The following KANSL3 variants were observed in gnomAD, a reference collection of about 807,000 sequenced individuals.
KANSL3 encodes the protein KAT8 regulatory NSL complex subunit 3.
KANSL3 carries 16 observed loss-of-function variants against 89.2 expected under a neutral mutation model. That is an observed-to-expected ratio of 0.18 (90% CI 0.12 to 0.27). The LOEUF (loss-of-function observed/expected upper bound fraction) is 0.27. Among genes scored for constraint, KANSL3 ranks in the 10% least tolerant of loss-of-function variants. The pLI is 1.00. For missense variants in KANSL3, 879 were observed against 1,110.6 expected (o/e 0.79, Z 2.96); for synonymous variants, 385 against 419.7 (o/e 0.92, Z 1.01).
At chr2:96,592,485 T>C (rs1160109982), downstream of KANSL3, among the ~76,000 whole-genome samples, 1 of 152,128 alleles carries the variant, frequency 6.6e-6, no homozygotes, top group Non-Finnish European at 1.5e-5. Context: ...CATATCAACA[T>C]CAATTACTCT....
the KANSL3 span, among the ~76,000 whole-genome samples, chr2:96,581,173 C>T: frequency 6.6e-6 from 1 of 152,222 alleles, no homozygotes; most frequent in Non-Finnish European, 1.5e-5. Context: ...CGCCTGTAAT[C>T]CCAGCACTCC....
intron 3 of KANSL3, 58 bp from the exon 4 acceptor site, chr2:96,619,820 T>C: frequency 7.9e-7 from 1 of 1,267,126 alleles, no homozygotes; most frequent in Non-Finnish European, 1.1e-6. Flanking sequence ...CCCATGTATG[T>C]ACACCATATA....
intron 5 of KANSL3, 31 bp from the exon 6 acceptor site, chr2:96,613,650 A>G (rs768151607): frequency 6.2e-7 from 1 of 1,603,712 alleles, no homozygotes; most frequent in Non-Finnish European, 8.5e-7. Context: ...AGATGACTCC[A>G]GTGTAAAGCA....
intron 20 of KANSL3, chr2:96,600,548 T>C: frequency 1.0e-6 from 1 of 985,412 alleles, no homozygotes; most frequent in Non-Finnish European, 1.2e-6. Flanking sequence ...GCTCAGGAAC[T>C]ATCACTGCAC....
At position 96,605,359 on chromosome 2, in the gene KANSL3, CAGCTGT is replaced by C; in HGVS notation, c.1888_1893del (p.Thr630_Ala631del). On this transcript the variant is annotated inframe_deletion, in exon 15 of 21. Coordinates refer to ENST00000431828, the MANE Select transcript of KANSL3 (RefSeq NM_001115016.3). ...CCTTGGGAAGGAGCACAAGGCCCTC[CAGCTGT>C]GTCCCCTTGGGAGATAAGGGACACC... 6.2e-7 allele frequency: 1 copy of C among 1,613,570 alleles called. No individual in the cohort carries two copies. The highest frequency in any genetic ancestry group is 8.5e-7 in the Non-Finnish European group (1 of 1,179,794).
At position 96,593,270 on chromosome 2, in the gene KANSL3, T is replaced by C. The variant is rs1368112422; in HGVS notation, c.*2341A>G. ...ATCCAGCCCAAGACTGTTCTAGTGG[T>C]GAAACCAAGAGTAGACAGGTCTTCC... On this transcript the variant is annotated 3_prime_UTR_variant, in exon 21 of 21. Coordinates refer to ENST00000431828, the MANE Select transcript of KANSL3 (RefSeq NM_001115016.3). 2.2e-6 allele frequency: 1 copy of C among 456,082 alleles called. No individual in the cohort carries two copies. Among genetic ancestry groups the C allele is most frequent in the Non-Finnish European group, 4.4e-6 (1 of 226,804 alleles). The allele number at this position is 456,082 out of a possible 1,614,324, so 28.3% of individuals were successfully genotyped here.
At chr2:96,619,815 G>A (rs2070909124) in intron 3 of KANSL3, 53 bp from the exon 4 acceptor site, 1 of 1,324,236 alleles carries the variant, frequency 7.6e-7, no homozygotes, top group Non-Finnish European at 1.1e-6. Context: ...CGCTCCCCAT[G>A]TATGTACACC....
intron 8 of KANSL3, 33 bp from the exon 9 acceptor site, chr2:96,612,386 G>A (rs1243217724): frequency 6.2e-7 from 1 of 1,606,494 alleles, no homozygotes; most frequent in African/African-American, 1.3e-5. Context: ...CAGTAAGACA[G>A]GAGGCCAAAG....
intron 15 of KANSL3, 127 bp from the exon 16 acceptor site, chr2:96,604,990 T>C (rs1235693385): frequency 2.7e-6 from 2 of 740,844 alleles, no homozygotes; most frequent in Admixed American, 3.0e-5. Flanking sequence ...AGATGAACTA[T>C]GCTAGAGTAG....
chr2:96,601,802 T>C, intron 19 of KANSL3, 26 bp from the exon 20 acceptor site: 1 of 1,530,006 alleles, frequency 6.5e-7, no homozygotes, highest in Non-Finnish European at 8.8e-7. Context: ...AGAAGCAGAA[T>C]TTTTGAGTCA....
chr2:96,587,210 C>T, the KANSL3 span, among the ~76,000 whole-genome samples: 1 of 152,182 alleles, frequency 6.6e-6, no homozygotes, highest in African/African-American at 2.4e-5. Context: ...CTTCTTGTGC[C>T]ATTAGAGACC....
intron 20 of KANSL3, chr2:96,600,427 C>T (rs1406436621): frequency 1.0e-6 from 1 of 982,400 alleles, no homozygotes; most frequent in Non-Finnish European, 1.2e-6. Context: ...AAAATTAAAA[C>T]ATTTCCATCC....
chr2:96,634,480 C>T (rs1410579550), intron 2 of KANSL3, among the ~76,000 whole-genome samples: 3 of 151,410 alleles, frequency 2.0e-5, no homozygotes. Context: ...TGCGCCATTG[C>T]GCTCCAGCCT....
chr2:96,610,026 A>C (rs1332656850), intron 11 of KANSL3, among the ~76,000 whole-genome samples: 1 of 150,520 alleles, frequency 6.6e-6, no homozygotes, highest in Non-Finnish European at 1.5e-5. Context: ...TATCAAATTA[A>C]AGGAGACTGA....
chr2:96,586,002 G>A, the KANSL3 span, among the ~76,000 whole-genome samples: 18 of 152,130 alleles, frequency 1.2e-4, no homozygotes, highest in South Asian at 2.1e-4. Flanking sequence ...TGAGGCGGGC[G>A]GATCACTTGA....
At chr2:96,603,786 ATTATCT>A (rs2067538749) in intron 17 of KANSL3, 1 of 153,106 alleles carries the variant, frequency 6.5e-6, no homozygotes. Flanking sequence ...TCAGCTCTCA[ATTATCT>A]GTGAGCTTCA....
chr2:96,612,953 A>C lies in KANSL3; in HGVS notation c.796-19T>G. 21 of 1,501,588 alleles carry C rather than the reference A, an allele frequency of 1.4e-5. No individual in the cohort carries two copies. Among genetic ancestry groups the C allele is most frequent in the Non-Finnish European group, 1.6e-5 (18 of 1,101,040 alleles). 93.0% of individuals were successfully genotyped at this position (1,501,588 alleles called of 1,614,324 possible). On this transcript the variant is annotated intron_variant, in intron 6 of 20. Coordinates refer to ENST00000431828, the MANE Select transcript of KANSL3 (RefSeq NM_001115016.3). ...GTTTGCTCTAAAGAGGAAGAATCCC[A>C]CCCAAAAACCAGTGAGTGAGAAGTG...
chr2:96,597,635 C>A (rs1247379538), intron 20 of KANSL3, among the ~76,000 whole-genome samples: 6 of 152,138 alleles, frequency 3.9e-5, no homozygotes, highest in Admixed American at 3.9e-4. Flanking sequence ...CAGAGTCTGG[C>A]TCTGTTGCCC....
intron 1 of KANSL3, 74 bp from the exon 2 acceptor site, chr2:96,637,259 T>C: frequency 1.6e-6 from 1 of 639,344 alleles, no homozygotes; most frequent in Non-Finnish European, 2.7e-6. Flanking sequence ...TCTAACATGC[T>C]TACTTTTGTA....
Sources: gnomAD v4.1 joint callset for allele counts (sites outside exome capture counted in the v4.1 genomes callset) on GRCh38, gnomAD v4.1.1 for gene constraint, MANE v1.5 for transcripts, NCBI Gene and HGNC (gene_info 2026-07-23, HGNC 2026-07-21) for gene names.